The following GPR149 variants were observed in gnomAD, a reference collection of about 807,000 sequenced individuals.
GPR149 encodes G protein-coupled receptor 149.
A neutral mutation model predicts 50.2 loss-of-function variants in GPR149; 50 were observed. That is an observed-to-expected ratio of 1.00 (90% CI 0.79 to 1.26). GPR149 has a LOEUF of 1.26. Among genes scored for constraint, GPR149 ranks in the 50% most tolerant of loss-of-function variants. The pLI, the probability that GPR149 is intolerant of heterozygous loss-of-function variation, is 0.00. For missense variants in GPR149, 983 were observed against 895.4 expected, an observed-to-expected ratio of 1.10 and a Z score of -1.25; for synonymous variants, 405 against 358.2, an observed-to-expected ratio of 1.13 and a Z score of -1.48.
At chr3:154,424,151 G>T (rs552986648) in intron 2 of GPR149, among the ~76,000 whole-genome samples, 11 of 151,704 alleles carry the variant, frequency 7.3e-5, no homozygotes, top group African/African-American at 2.7e-4. Context: ...TTAAAATTTC[G>T]GTCCATAATT....
chr3:154,405,216 A>C (rs954563494), intron 3 of GPR149, among the ~76,000 whole-genome samples: 1 of 152,218 alleles, frequency 6.6e-6, no homozygotes. Flanking sequence ...GGCATAAATC[A>C]ATACCTTTAA....
intron 2 of GPR149, among the ~76,000 whole-genome samples, chr3:154,422,009 T>C (rs1712160612): frequency 6.6e-6 from 1 of 151,706 alleles, no homozygotes; most frequent in South Asian, 2.1e-4. Flanking sequence ...TGTCTATAAG[T>C]GCATACATTA....
rs1415364062 is a variant in GPR149, at chr3:154,337,709, T to G, written c.2186A>C (p.Lys729Thr). 6.3e-7 allele frequency: 1 copy of G among 1,596,038 alleles called. No homozygotes were observed. Among genetic ancestry groups the G allele is most frequent in the East Asian group, 2.2e-5 (1 of 44,822 alleles). ...KAYRKREEES[K>T]GS Reference sequence around the variant, plus strand: ...TAGACCAAATACCCACTAACTACCCTTGCTTTCTTCCTCTCTTTTTCTGTA... The same window carrying G: ...TAGACCAAATACCCACTAACTACCCGTGCTTTCTTCCTCTCTTTTTCTGTA... Residue 729 changes from lysine (K) to threonine (T), a missense_variant, in exon 4 of 4, where the codon AAG becomes ACG. Physicochemically the swap from Lys to Thr is moderately conservative, Grantham distance 78. Transcript: ENST00000389740.
At chr3:154,413,472 T>A (rs527477969) in intron 3 of GPR149, among the ~76,000 whole-genome samples, 1 of 151,348 alleles carries the variant, frequency 6.6e-6, no homozygotes, top group Admixed American at 6.6e-5. Flanking sequence ...AAACAAACAA[T>A]CCTACCAAAA....
intron 3 of GPR149, 101 bp downstream of exon 3, chr3:154,420,938 G>T (rs1399332267): frequency 2.4e-6 from 2 of 831,944 alleles, no homozygotes; most frequent in Admixed American, 3.0e-5. Flanking sequence ...TGAAGTTAAT[G>T]TTGGGCTTGA....
chr3:154,353,250 A>T, intron 3 of GPR149: 1 of 1,475,900 alleles, frequency 6.8e-7, no homozygotes, highest in East Asian at 2.3e-5. Flanking sequence ...CAAGTGTTCC[A>T]CAGTAGTTGC....
chr3:154,425,281 T>C (rs2108431612), intron 2 of GPR149, among the ~76,000 whole-genome samples: 1 of 152,170 alleles, frequency 6.6e-6, no homozygotes, highest in South Asian at 2.1e-4. Flanking sequence ...AAATATTTTC[T>C]CTCTCTTGCT....
At chr3:154,382,499 C>T (rs1314325692) in intron 3 of GPR149, among the ~76,000 whole-genome samples, 3 of 152,130 alleles carry the variant, frequency 2.0e-5, no homozygotes, top group African/African-American at 7.2e-5. Context: ...AGCTAATTCA[C>T]TAAAGGGTCA....
At chr3:154,372,627 C>T (rs1714690953) in intron 3 of GPR149, among the ~76,000 whole-genome samples, 1 of 152,106 alleles carries the variant, frequency 6.6e-6, no homozygotes, top group Non-Finnish European at 1.5e-5. Flanking sequence ...ATTTTCAAAC[C>T]AGAGCAAGGG....
intron 3 of GPR149, among the ~76,000 whole-genome samples, chr3:154,417,321 T>C (rs1288078058): frequency 1.3e-5 from 2 of 152,032 alleles, no homozygotes; most frequent in East Asian, 3.8e-4. Flanking sequence ...CTTCAATTCT[T>C]GTAAATTTTA....
intron 3 of GPR149, among the ~76,000 whole-genome samples, chr3:154,416,369 G>A (rs139088478): frequency 6.6e-6 from 1 of 151,824 alleles, no homozygotes; most frequent in African/African-American, 2.4e-5. Flanking sequence ...TCATCTGGAA[G>A]CTTATTAGGA....
intron 3 of GPR149, among the ~76,000 whole-genome samples, chr3:154,389,034 G>A (rs899126707): frequency 1.7e-4 from 26 of 152,010 alleles, no homozygotes; most frequent in Non-Finnish European, 1.6e-4. Context: ...AGGAAAATAT[G>A]GGAGAAAGTG....
At chr3:154,425,061 A>AAAC (rs985018214) in intron 2 of GPR149, among the ~76,000 whole-genome samples, 51 of 152,062 alleles carry the variant, frequency 3.4e-4, no homozygotes, top group African/African-American at 9.1e-4. Context: ...AAACAAAACA[A>AAAC]AACAACAACA....
intron 2 of GPR149, among the ~76,000 whole-genome samples, chr3:154,423,504 G>A (rs1168350150): frequency 1.3e-5 from 2 of 151,840 alleles, no homozygotes; most frequent in South Asian, 4.1e-4. Context: ...ATTATGAAGT[G>A]TAATCAATGG....
rs373212063 is a variant in GPR149, at chr3:154,341,292, CATATATATATAT to C, written c.1624-3033_1624-3022del. Among the ~76,000 whole-genome samples the C allele has an allele frequency of 8.9e-3, 647 of 72,898 alleles. 14 individuals carry two copies. The highest frequency in any genetic ancestry group is 0.024 in the African/African-American group (437 of 18,548). 47.8% of individuals were successfully genotyped at this position (72,898 alleles called of 152,430 possible). On this transcript the variant is annotated intron_variant, in intron 3 of 3. Coordinates refer to ENST00000389740, the MANE Select transcript of GPR149 (RefSeq NM_001038705.3). ...GCAAAAAATCAAGAAAAAAATAAGA[CATATATATATAT>C]ATATATATATATATATATATATATA...
chr3:154,403,020 A>G (rs544336240), intron 3 of GPR149, among the ~76,000 whole-genome samples: 2 of 152,352 alleles, frequency 1.3e-5, no homozygotes, highest in East Asian at 1.9e-4. Context: ...TAATAACTAT[A>G]TGAACCCAAA....
rs184586812 is a variant in GPR149, at chr3:154,380,488, C to T, written c.1623+40551G>A. Reference sequence around the variant, plus strand: ...GAAAGGCACAAACCATATTTTGCAACGGAACTGCCTCTACACTATTCCTAC... The same window carrying T: ...GAAAGGCACAAACCATATTTTGCAATGGAACTGCCTCTACACTATTCCTAC... On this transcript the variant is annotated intron_variant, in intron 3 of 3. Coordinates refer to ENST00000389740, the MANE Select transcript of GPR149 (RefSeq NM_001038705.3). Among the ~76,000 whole-genome samples the T allele has an allele frequency of 4.3e-4, 65 of 152,138 alleles. 1 individual carries two copies. The South Asian group carries it at 7.5e-3, about 17-fold the overall frequency.
chr3:154,385,081 A>AG (rs1715016372), intron 3 of GPR149, among the ~76,000 whole-genome samples: 1 of 152,186 alleles, frequency 6.6e-6, no homozygotes, highest in South Asian at 2.1e-4. Context: ...TGTTTCCTAA[A>AG]GGATAAAAGT....
intron 3 of GPR149, chr3:154,353,860 T>C (rs1257449986): frequency 1.3e-5 from 8 of 605,486 alleles, no homozygotes; most frequent in Non-Finnish European, 2.1e-5. Flanking sequence ...GAAAGAGATA[T>C]GTTACCCTTT....
Sources: allele counts gnomAD v4.1 joint callset (sites outside exome capture counted in the v4.1 genomes callset), GRCh38; gene constraint gnomAD v4.1.1; transcripts MANE v1.5; gene names NCBI Gene and HGNC (gene_info 2026-07-23, HGNC 2026-07-21).